Variants in NCAM2 observed in about 807,000 individuals in gnomAD.
NCAM2 encodes the protein N-CAM-2.
A neutral mutation model predicts 98.1 loss-of-function variants in NCAM2; 30 were observed. The observed-to-expected ratio is 0.31, with a 90% CI of 0.23 to 0.41. NCAM2 has a LOEUF of 0.41. Among genes scored for constraint, NCAM2 ranks in the 10% least tolerant of loss-of-function variants. The pLI is 1.00. For synonymous variants in NCAM2, 368 were observed against 342.4 expected, an observed-to-expected ratio of 1.07 and a Z score of -0.83; for missense variants, 867 against 1,005.8, an observed-to-expected ratio of 0.86 and a Z score of 1.87.
intron 1 of NCAM2, among the ~76,000 whole-genome samples, chr21:21,047,834 C>T (rs6518053): frequency 6.6e-6 from 1 of 152,080 alleles, no homozygotes; most frequent in African/African-American, 2.4e-5. Flanking sequence ...CCAAATTCCT[C>T]CTTAAGAGGT....
chr21:21,336,010 G>C (rs552818224), intron 7 of NCAM2, among the ~76,000 whole-genome samples: 1 of 151,810 alleles, frequency 6.6e-6, no homozygotes, highest in South Asian at 2.1e-4. Context: ...AGTTCAAAAG[G>C]GCACATTTTT....
In NCAM2 at chr21:21,075,709, G is replaced by A. The variant is rs75019147; in HGVS notation, c.55+77091G>A. 3.3e-5 allele frequency among the ~76,000 whole-genome samples: 5 copies of A among 152,178 alleles called. No homozygotes were observed. The East Asian group carries it at 9.6e-4, about 29-fold the overall frequency. The stretch of plus-strand genomic sequence containing the variant: ...GTTTTGTTTTATTTTTATCATAAAT[G>A]GGTATTGAATTTTATCAAGTACATT... On this transcript the variant is annotated intron_variant, in intron 1 of 17. Transcript: ENST00000400546.
At chr21:21,377,169 G>GT (rs2076052182) in intron 9 of NCAM2, among the ~76,000 whole-genome samples, 1 of 151,314 alleles carries the variant, frequency 6.6e-6, no homozygotes, top group South Asian at 2.1e-4. Context: ...ATCATCTCTT[G>GT]TTAAGACATT....
chr21:21,508,841 A>ATT lies in NCAM2; in HGVS notation c.2078-10_2078-9insTT. Reference sequence around the variant, plus strand: ...TTTTTTTTTTTTTTTTTTTTTTTTTACTTTTTAAGACACGCTGTTTAATGG... The same window carrying ATT: ...TTTTTTTTTTTTTTTTTTTTTTTTTATTCTTTTTAAGACACGCTGTTTAATGG... On this transcript the variant is annotated splice_polypyrimidine_tract_variant and intron_variant, in intron 15 of 17. Transcript: ENST00000400546. 8.4e-6 allele frequency: 3 copies of ATT among 357,596 alleles called. No individual in the cohort carries two copies. Among genetic ancestry groups the ATT allele is most frequent in the Non-Finnish European group, 1.3e-5 (3 of 239,258 alleles). 22.2% of individuals were successfully genotyped at this position (357,596 alleles called of 1,614,324 possible).
intron 1 of NCAM2, among the ~76,000 whole-genome samples, chr21:21,200,878 T>C (rs1186184390): frequency 1.3e-5 from 2 of 151,908 alleles, no homozygotes; most frequent in East Asian, 1.9e-4. Flanking sequence ...TCTTGTCTGA[T>C]ACTTTTCTAA....
chr21:21,445,946 G>A (rs2146102728), intron 12 of NCAM2, among the ~76,000 whole-genome samples: 1 of 152,148 alleles, frequency 6.6e-6, no homozygotes, highest in East Asian at 1.9e-4. Context: ...TTTATATTTT[G>A]GTGGTTTTTG....
At chr21:21,451,326 A>G (rs533439362) in intron 12 of NCAM2, among the ~76,000 whole-genome samples, 4 of 152,284 alleles carry the variant, frequency 2.6e-5, no homozygotes, top group African/African-American at 9.6e-5. Context: ...ATCTAAGCAC[A>G]TTGATCGTTT....
intron 9 of NCAM2, among the ~76,000 whole-genome samples, chr21:21,393,664 C>G (rs1379552371): frequency 6.6e-6 from 1 of 152,066 alleles, no homozygotes; most frequent in East Asian, 1.9e-4. Flanking sequence ...AACTTGAATA[C>G]TGATATATCT....
intron 1 of NCAM2, among the ~76,000 whole-genome samples, chr21:21,022,413 A>G (rs1229493223): frequency 1.3e-5 from 2 of 152,088 alleles, no homozygotes; most frequent in Non-Finnish European, 2.9e-5. Flanking sequence ...AGTTATTTTC[A>G]TGTCCTGCCT....
Position 21,023,385 on chromosome 21 carries a change from G to A in NCAM2, c.55+24767G>A, listed in dbSNP as rs572189312. On this transcript the variant is annotated intron_variant, in intron 1 of 17. Coordinates refer to ENST00000400546, the MANE Select transcript of NCAM2 (RefSeq NM_004540.5). Reference sequence around the variant, plus strand: ...CTAAAAGTGCAAAAATTAGCCAGGCGTGGTGGTGGTCACCTGTAATCCCAG... The same window carrying A: ...CTAAAAGTGCAAAAATTAGCCAGGCATGGTGGTGGTCACCTGTAATCCCAG... Among the ~76,000 whole-genome samples the A allele has an allele frequency of 9.2e-5, 14 of 152,026 alleles. No homozygotes were observed. In the East Asian group the frequency reaches 1.4e-3, roughly 15 times the overall value.
At chr21:21,397,226 T>C (rs541805510) in intron 9 of NCAM2, among the ~76,000 whole-genome samples, 2 of 152,114 alleles carry the variant, frequency 1.3e-5, no homozygotes, top group Admixed American at 6.5e-5. Context: ...CCAGAAGTTA[T>C]CACTCTGGGC....
At chr21:21,383,772 C>T (rs865806720) in intron 9 of NCAM2, among the ~76,000 whole-genome samples, 80 of 152,042 alleles carry the variant, frequency 5.3e-4, no homozygotes, top group African/African-American at 1.6e-3. Context: ...CAATAACCTA[C>T]GTGTTTTAGT....
At chr21:21,179,760 G>A (rs183357101) in intron 1 of NCAM2, among the ~76,000 whole-genome samples, 5 of 152,314 alleles carry the variant, frequency 3.3e-5, no homozygotes, top group African/African-American at 7.2e-5. Flanking sequence ...GATGTAGGAC[G>A]TCATGGATTG....
chr21:21,240,165 A>G (rs982364988), intron 1 of NCAM2, among the ~76,000 whole-genome samples: 1 of 152,184 alleles, frequency 6.6e-6, no homozygotes, highest in Admixed American at 6.5e-5. Flanking sequence ...CAAGATTTAA[A>G]CTAAAACTGT....
rs531969147 is a variant in NCAM2 at position 21,236,409 on chromosome 21, GGTT to G, written c.56-44165_56-44163del. On this transcript the variant is annotated intron_variant, in intron 1 of 17. Coordinates refer to ENST00000400546, the MANE Select transcript of NCAM2 (RefSeq NM_004540.5). ...GTTATGTTATCTTTTATTCAGTGTT[GGTT>G]GTTTTAACTGTTTTATAACTATCAG... 2.9e-3 allele frequency among the ~76,000 whole-genome samples: 439 copies of G among 151,772 alleles called. 2 individuals are homozygous for G. The highest frequency in any genetic ancestry group is 0.01 in the African/African-American group (424 of 41,438).
At chr21:21,152,836 G>A (rs1364381589) in intron 1 of NCAM2, among the ~76,000 whole-genome samples, 1 of 151,958 alleles carries the variant, frequency 6.6e-6, no homozygotes, top group Non-Finnish European at 1.5e-5. Context: ...GGACACTTAT[G>A]CTGATGTCTG....
chr21:21,533,788 G>A (rs1363590470), intron 16 of NCAM2, among the ~76,000 whole-genome samples: 3 of 151,626 alleles, frequency 2.0e-5, no homozygotes, highest in African/African-American at 7.3e-5. Context: ...CAGTTGTGAG[G>A]CATGAAACAT....
chr21:21,197,603 G>A (rs2069051357), intron 1 of NCAM2, among the ~76,000 whole-genome samples: 3 of 152,158 alleles, frequency 2.0e-5, no homozygotes, highest in Non-Finnish European at 4.4e-5. Flanking sequence ...AGTACTCAGG[G>A]ATTTCAAATC....
intron 1 of NCAM2, among the ~76,000 whole-genome samples, chr21:21,230,381 T>A (rs2070573728): frequency 6.6e-6 from 1 of 151,264 alleles, no homozygotes; most frequent in African/African-American, 2.4e-5. Context: ...TATAAAAAGA[T>A]AAAAATTGGC....
Sources: allele counts gnomAD v4.1 joint callset (sites outside exome capture counted in the v4.1 genomes callset), GRCh38; gene constraint gnomAD v4.1.1; transcripts MANE v1.5; gene names NCBI Gene and HGNC (gene_info 2026-07-23, HGNC 2026-07-21).